Variants in PLEKHM2 observed in about 807,000 individuals in gnomAD.
PLEKHM2 encodes pleckstrin homology and RUN domain containing M2, also known as pleckstrin homology domain-containing family M member 2.
In PLEKHM2, 77 loss-of-function variants were observed where a neutral mutation model predicts 116.3. That is an observed-to-expected ratio of 0.66 (90% CI 0.55 to 0.80). The LOEUF is 0.80. Among genes scored for constraint, PLEKHM2 ranks in the 30% least tolerant of loss-of-function variants. The pLI, the probability that PLEKHM2 is intolerant of heterozygous loss-of-function variation, is 0.00. For synonymous variants in PLEKHM2, 562 were observed against 571.0 expected (o/e 0.98, Z 0.22); for missense variants, 1,183 against 1,354.9 (o/e 0.87, Z 1.99).
intron 1 of PLEKHM2, among the ~76,000 whole-genome samples, chr1:15,711,750 CAAGTG>C (rs902491494): frequency 3.3e-5 from 5 of 152,042 alleles, no homozygotes; most frequent in African/African-American, 1.2e-4. Context: ...AAAAAAATGA[CAAGTG>C]AAGTTTAAAG....
chr1:15,713,523 A>G (rs764146835), intron 1 of PLEKHM2, among the ~76,000 whole-genome samples: 10 of 152,146 alleles, frequency 6.6e-5, no homozygotes, highest in Non-Finnish European at 1.3e-4. Flanking sequence ...TAAAAACCAT[A>G]TTGAGGGACT....
chr1:15,693,002 G>C (rs1017131796), intron 1 of PLEKHM2, among the ~76,000 whole-genome samples: 1 of 150,226 alleles, frequency 6.7e-6, no homozygotes, highest in South Asian at 2.1e-4. Context: ...GCCTCCCAAA[G>C]TGCTGGGATT....
chr1:15,715,114 C>G (rs535976923), intron 1 of PLEKHM2, among the ~76,000 whole-genome samples: 1 of 152,262 alleles, frequency 6.6e-6, no homozygotes, highest in African/African-American at 2.4e-5. Flanking sequence ...TTGCATGCAC[C>G]TAGATCCATA....
At chr1:15,706,807 T>C (rs1236364928) in intron 1 of PLEKHM2, among the ~76,000 whole-genome samples, 1 of 152,200 alleles carries the variant, frequency 6.6e-6, no homozygotes, top group Non-Finnish European at 1.5e-5. Context: ...TGATGCCGTA[T>C]TATACATTTG....
At chr1:15,730,853 A>G (rs2068133053) in intron 15 of PLEKHM2, 131 bp downstream of exon 15, 2 of 728,546 alleles carry the variant, frequency 2.7e-6, no homozygotes, top group East Asian at 2.7e-5. Flanking sequence ...TCCCTTCCCT[A>G]CCAGAGCTTG....
rs1465061757 is a variant in PLEKHM2, at chr1:15,732,403, C to T, written c.2679C>T (p.Leu893=). 2.6e-6 allele frequency: 4 copies of T among 1,568,172 alleles called. No individual in the cohort carries two copies. In the African/African-American group the frequency reaches 4.1e-5, roughly 16 times the overall value. ...CCTGCATACCCTGCTGCCTGGTCCT[C>T]ACGGATGACCGCCTCTTTACGTGCC... ...PSPCIPCCLV[L]TDDRLFTCHE... The change falls in exon 18 of 20, where the codon CTC becomes CTT. Residue 893 remains leucine (L), a synonymous_variant. Coordinates refer to ENST00000375799, the MANE Select transcript of PLEKHM2 (RefSeq NM_015164.4).
At chr1:15,701,113 CAAAAAAA>C (rs35537871) in intron 1 of PLEKHM2, among the ~76,000 whole-genome samples, 1 of 81,782 alleles carries the variant, frequency 1.2e-5, no homozygotes, top group Non-Finnish European at 2.2e-5. Flanking sequence ...AACTCTGTCT[CAAAAAAA>C]AAAAAAAAAG....
intron 14 of PLEKHM2, among the ~76,000 whole-genome samples, chr1:15,730,315 G>A (rs1453035847): frequency 6.6e-6 from 1 of 152,234 alleles, no homozygotes; most frequent in African/African-American, 2.4e-5. Context: ...GGTGATGGGC[G>A]CCTGTAATCC....
At chr1:15,705,773 C>T (rs1641214280) in intron 1 of PLEKHM2, among the ~76,000 whole-genome samples, 1 of 152,138 alleles carries the variant, frequency 6.6e-6, no homozygotes, top group South Asian at 2.1e-4. Context: ...CCTGGCCTTT[C>T]ACAGTCTGTC....
intron 14 of PLEKHM2, 127 bp downstream of exon 14, chr1:15,730,056 GGGGCGGGGCGGGGC>G: frequency 3.0e-6 from 1 of 336,662 alleles, no homozygotes; most frequent in Non-Finnish European, 5.2e-6. Context: ...TGGGCGGGGC[GGGGCGGGGCGGGGC>G]GGGGCGGGGC....
chr1:15,684,583 C>A lies in PLEKHM2; in HGVS notation c.25C>A (p.Arg9=). Residue 9 remains arginine (R), a synonymous_variant, in exon 1 of 20, where the codon CGG becomes AGG. Coordinates refer to ENST00000375799, the MANE Select transcript of PLEKHM2 (RefSeq NM_015164.4). MEPGEVKD[R]ILENISLSVK... is the part of the protein sequence containing the mutation. ...CATGGAGCCGGGGGAGGTGAAGGACCGGATCCTGGAGAACATCTCGCTGTC... is the reference window on the plus strand; with the variant it reads ...CATGGAGCCGGGGGAGGTGAAGGACAGGATCCTGGAGAACATCTCGCTGTC... 7.6e-7 allele frequency: 1 copy of A among 1,311,798 alleles called. No homozygotes were observed. The highest frequency in any genetic ancestry group is 2.3e-5 in the South Asian group (1 of 43,952). 81.3% of individuals were successfully genotyped at this position (1,311,798 alleles called of 1,614,324 possible).
chr1:15,684,677 C>A (rs1395463100), intron 1 of PLEKHM2, 59 bp downstream of exon 1: 2 of 701,756 alleles, frequency 2.8e-6, no homozygotes, highest in Admixed American at 6.4e-5. Context: ...CCACGCCCTC[C>A]GGCGGCGCTC....
chr1:15,701,569 C>G (rs902952768), intron 1 of PLEKHM2, among the ~76,000 whole-genome samples: 14 of 152,192 alleles, frequency 9.2e-5, no homozygotes, highest in African/African-American at 3.4e-4. Context: ...ACAGGTGGAT[C>G]ACGAGGTCAG....
rs761803250 is a variant in PLEKHM2, at chr1:15,732,542, T to TG, written c.2805+18dup. 8.4e-5 allele frequency: 135 copies of TG among 1,607,662 alleles called. 1 individual carries two copies. The highest frequency in any genetic ancestry group is 1.1e-4 in the Non-Finnish European group (130 of 1,177,386). ...GTACTGCGTCTTGGTGAGCTTTGAG[T>TG]GGGGGCGGGGCTGCAAGGCCTGCAG... is the stretch of plus-strand genomic sequence containing the variant. On this transcript the variant is annotated intron_variant, in intron 18 of 19. Coordinates refer to ENST00000375799, the MANE Select transcript of PLEKHM2 (RefSeq NM_015164.4).
intron 1 of PLEKHM2, among the ~76,000 whole-genome samples, chr1:15,688,605 G>A (rs886438691): frequency 3.4e-5 from 5 of 148,644 alleles, no homozygotes; most frequent in Admixed American, 6.8e-5. Context: ...AACTGAGATC[G>A]CGCCATTGCA....
intron 1 of PLEKHM2, among the ~76,000 whole-genome samples, chr1:15,699,611 G>A (rs1409840853): frequency 6.6e-6 from 1 of 152,090 alleles, no homozygotes; most frequent in East Asian, 1.9e-4. Flanking sequence ...ATTTGGGTTG[G>A]TTCCAAGTAT....
intron 1 of PLEKHM2, among the ~76,000 whole-genome samples, chr1:15,687,676 C>G (rs1640801372): frequency 6.6e-6 from 1 of 152,190 alleles, no homozygotes; most frequent in African/African-American, 2.4e-5. Flanking sequence ...ATTCTTGCAT[C>G]ATAAATTACA....
chr1:15,733,842 A>AAATTCGAGGATGCCT lies in PLEKHM2; in HGVS notation c.2969_2983dup (p.Ala994_Leu995insTer). On this transcript the variant is annotated stop_gained and inframe_insertion, in exon 20 of 20. Coordinates refer to ENST00000375799, the MANE Select transcript of PLEKHM2 (RefSeq NM_015164.4). LOFTEE classifies it high-confidence loss of function. ...GATCCAGGAAGCCTCCAACAAGAAG[A>AAATTCGAGGATGCCT]AATTCGAGGATGCCTTGAGCCTCAT... is the stretch of plus-strand genomic sequence containing the variant. 6.2e-7 allele frequency: 1 copy of AAATTCGAGGATGCCT among 1,613,084 alleles called. No homozygotes were observed. Among genetic ancestry groups the AAATTCGAGGATGCCT allele is most frequent in the Non-Finnish European group, 8.5e-7 (1 of 1,179,822 alleles).
intron 1 of PLEKHM2, among the ~76,000 whole-genome samples, chr1:15,695,774 G>T (rs142475925): frequency 0.01 from 1,527 of 152,180 alleles, 28 homozygotes; most frequent in African/African-American, 0.033. Context: ...AAAGTGCTGG[G>T]ATTACAGGTG....
Sources: allele counts gnomAD v4.1 joint callset (sites outside exome capture counted in the v4.1 genomes callset), GRCh38; gene constraint gnomAD v4.1.1; transcripts MANE v1.5; gene names NCBI Gene and HGNC (gene_info 2026-07-23, HGNC 2026-07-21).